TTC29: variants seen among roughly 807,000 people sequenced by gnomAD.
The protein encoded by TTC29 is tetratricopeptide repeat domain 29, also known as tetratricopeptide repeat protein 29.
In TTC29, 49 loss-of-function variants were observed where a neutral mutation model predicts 58.1. That is an observed-to-expected ratio of 0.84 (90% CI 0.67 to 1.07). TTC29 has a LOEUF of 1.07. TTC29 is among the 50% of genes least tolerant of loss of function. The pLI is 0.00. For missense variants in TTC29, 582 were observed against 555.6 expected, an observed-to-expected ratio of 1.05 and a Z score of -0.48; for synonymous variants, 209 against 196.8, an observed-to-expected ratio of 1.06 and a Z score of -0.52.
intron 6 of TTC29, among the ~76,000 whole-genome samples, chr4:146,895,160 C>A (rs1253046939): frequency 3.3e-5 from 5 of 152,162 alleles, no homozygotes; most frequent in Non-Finnish European, 5.9e-5. Flanking sequence ...TGATCTTGTT[C>A]CTTTTTATGG....
intron 11 of TTC29, among the ~76,000 whole-genome samples, chr4:146,749,645 C>G (rs1455431953): frequency 6.6e-6 from 1 of 152,100 alleles, no homozygotes; most frequent in Admixed American, 6.5e-5. Flanking sequence ...GTTGGTAAAA[C>G]TCCCCAAGTC....
intron 11 of TTC29, among the ~76,000 whole-genome samples, chr4:146,751,050 A>C (rs1230473200): frequency 6.6e-6 from 1 of 152,220 alleles, no homozygotes; most frequent in Non-Finnish European, 1.5e-5. Context: ...ACCAAAAAAG[A>C]GCAGGAGTGA....
chr4:146,893,509 T>A (rs1314648845), intron 6 of TTC29, among the ~76,000 whole-genome samples: 1 of 152,192 alleles, frequency 6.6e-6, no homozygotes, highest in African/African-American at 2.4e-5. Context: ...GATCCCTTCC[T>A]TACACCTTAT....
At chr4:146,863,972 C>T (rs1339149151) in intron 8 of TTC29, among the ~76,000 whole-genome samples, 5 of 152,192 alleles carry the variant, frequency 3.3e-5, no homozygotes, top group Non-Finnish European at 7.3e-5. Context: ...TGCTAATCTT[C>T]TCCAGAAACA....
At chr4:146,887,881 T>C (rs1448882545) in intron 6 of TTC29, among the ~76,000 whole-genome samples, 2 of 152,040 alleles carry the variant, frequency 1.3e-5, no homozygotes, top group Non-Finnish European at 2.9e-5. Context: ...CCACCCAAGC[T>C]ACTGTTCTTC....
chr4:146,762,959 G>A (rs1162570934), intron 11 of TTC29, among the ~76,000 whole-genome samples: 2 of 151,980 alleles, frequency 1.3e-5, no homozygotes, highest in African/African-American at 4.8e-5. Flanking sequence ...TGGATTTAGG[G>A]CTTATAGTCA....
intron 11 of TTC29, among the ~76,000 whole-genome samples, chr4:146,732,958 G>A (rs1022607733): frequency 6.6e-6 from 1 of 152,152 alleles, no homozygotes; most frequent in African/African-American, 2.4e-5. Flanking sequence ...TGAGAGTACT[G>A]TAGAGGAAAC....
intron 4 of TTC29, among the ~76,000 whole-genome samples, chr4:146,910,844 G>C (rs1016343225): frequency 6.6e-6 from 1 of 152,200 alleles, no homozygotes; most frequent in Non-Finnish European, 1.5e-5. Flanking sequence ...AAATGGGGAA[G>C]AGAAAAGGAA....
intron 6 of TTC29, among the ~76,000 whole-genome samples, chr4:146,894,747 T>C (rs1020845978): frequency 3.3e-5 from 5 of 152,038 alleles, no homozygotes; most frequent in African/African-American, 4.8e-5. Context: ...CTTATAGCAA[T>C]GTGAGAACAG....
At chr4:146,766,056 G>A (rs1339404689) in intron 11 of TTC29, among the ~76,000 whole-genome samples, 4 of 152,022 alleles carry the variant, frequency 2.6e-5, no homozygotes, top group Non-Finnish European at 4.4e-5. Context: ...TTGAGTCAAA[G>A]TATTATTTAC....
intron 12 of TTC29, 23 bp downstream of exon 12, chr4:146,707,462 A>T: frequency 6.3e-7 from 1 of 1,588,622 alleles, no homozygotes; most frequent in Non-Finnish European, 8.6e-7. Flanking sequence ...CTTAATAGAA[A>T]CTTTTTACTT....
chr4:146,943,847 G>A (rs1264456297), intron 2 of TTC29, among the ~76,000 whole-genome samples: 3 of 152,156 alleles, frequency 2.0e-5, no homozygotes, highest in African/African-American at 7.2e-5. Context: ...TTTTCCTGGT[G>A]TTGGTCAGAC....
chr4:146,833,955 C>A, intron 8 of TTC29, 58 bp from the exon 9 acceptor site: 1 of 1,153,344 alleles, frequency 8.7e-7, no homozygotes, highest in African/African-American at 1.6e-5. Flanking sequence ...GCTGATGTTT[C>A]ATTTCATAAC....
intron 11 of TTC29, chr4:146,763,968 A>T (rs1747099405): frequency 6.6e-6 from 1 of 152,006 alleles, no homozygotes; most frequent in South Asian, 2.1e-4. Context: ...CTTAAGGCAG[A>T]GGGGGGGACA....
chr4:146,793,086 C>A (rs1749585140), intron 11 of TTC29, among the ~76,000 whole-genome samples: 1 of 152,106 alleles, frequency 6.6e-6, no homozygotes, highest in Non-Finnish European at 1.5e-5. Context: ...ATGGAATCTA[C>A]TACTGGTGAA....
At chr4:146,831,706 G>C (rs1331308198) in intron 9 of TTC29, 2 of 449,660 alleles carry the variant, frequency 4.4e-6, no homozygotes, top group Non-Finnish European at 9.0e-6. Flanking sequence ...GAATCGACCA[G>C]GAATTCAAAT....
At chr4:146,854,941 T>A (rs555674515) in intron 8 of TTC29, among the ~76,000 whole-genome samples, 1 of 152,244 alleles carries the variant, frequency 6.6e-6, no homozygotes, top group South Asian at 2.1e-4. Context: ...GTGGATTAGT[T>A]GGTTTCCTTA....
Position 146,735,061 on chromosome 4 carries a change from G to A in TTC29, c.1331-27510C>T, listed in dbSNP as rs1442898020. Among the ~76,000 whole-genome samples the A allele has an allele frequency of 3.9e-5, 6 of 152,234 alleles. No individual in the cohort carries two copies. The South Asian group carries it at 8.3e-4, about 21-fold the overall frequency. On this transcript the variant is annotated intron_variant, in intron 11 of 12. Coordinates refer to ENST00000325106, the MANE Select transcript of TTC29 (RefSeq NM_031956.4). ...AAAAAAGCAAAATATTCAATCCATTGGTTATTGTTATCTGCAATTACTACA... is the reference window on the plus strand; with the variant it reads ...AAAAAAGCAAAATATTCAATCCATTAGTTATTGTTATCTGCAATTACTACA...
intron 10 of TTC29, among the ~76,000 whole-genome samples, chr4:146,817,800 T>A (rs973222038): frequency 2.0e-5 from 3 of 152,200 alleles, no homozygotes; most frequent in African/African-American, 7.2e-5. Context: ...GTATCTGATC[T>A]TTGACAAAAC....
Sources: allele counts gnomAD v4.1 joint callset (sites outside exome capture counted in the v4.1 genomes callset), GRCh38; gene constraint gnomAD v4.1.1; transcripts MANE v1.5; gene names NCBI Gene and HGNC (gene_info 2026-07-23, HGNC 2026-07-21).